NOX4: variants seen among roughly 807,000 people sequenced by gnomAD.
The protein encoded by NOX4 is kidney oxidase-1.
NOX4 carries 69 observed loss-of-function variants against 87.6 expected under a neutral mutation model. The ratio of observed to expected loss-of-function variants is 0.79; its 90% CI spans 0.65 to 0.96. The LOEUF (loss-of-function observed/expected upper bound fraction) is 0.96, where lower values mean the gene tolerates loss of function less well. Ranked by LOEUF, NOX4 falls within the 40% of genes least tolerant of loss-of-function variation. The pLI is 0.00. For synonymous variants in NOX4, 275 were observed against 238.2 expected (o/e 1.15, Z -1.42); for missense variants, 680 against 681.5 (o/e 1.00, Z 0.02).
At chr11:89,372,960 A>T (rs1211803541) in intron 12 of NOX4, among the ~76,000 whole-genome samples, 1 of 151,946 alleles carries the variant, frequency 6.6e-6, no homozygotes, top group Admixed American at 6.6e-5. Context: ...AGTATCACCA[A>T]CAGGCCTGCT....
chr11:89,429,142 A>C (rs1943627139), intron 7 of NOX4, among the ~76,000 whole-genome samples: 1 of 152,232 alleles, frequency 6.6e-6, no homozygotes, highest in Non-Finnish European at 1.5e-5. Flanking sequence ...GCAGAAATAA[A>C]GATATTCTTT....
intron 12 of NOX4, among the ~76,000 whole-genome samples, chr11:89,356,424 AG>A (rs985612450): frequency 2.9e-5 from 3 of 104,236 alleles, no homozygotes; most frequent in African/African-American, 7.6e-5. Flanking sequence ...GGGAAGAGGA[AG>A]GGGGAAAAAA....
At chr11:89,370,634 T>C (rs1750762397) in intron 12 of NOX4, among the ~76,000 whole-genome samples, 1 of 152,076 alleles carries the variant, frequency 6.6e-6, no homozygotes, top group Non-Finnish European at 1.5e-5. Context: ...AAGAGAAATC[T>C]ACTTGGGTAA....
chr11:89,442,027 C>T (rs1002100718), intron 5 of NOX4, among the ~76,000 whole-genome samples: 253 of 145,094 alleles, frequency 1.7e-3, no homozygotes, highest in African/African-American at 6.2e-3. Flanking sequence ...ATAGATATGC[C>T]ATATATTTAT....
intron 11 of NOX4, among the ~76,000 whole-genome samples, chr11:89,380,343 G>A (rs973343070): frequency 2.6e-5 from 4 of 152,082 alleles, no homozygotes; most frequent in African/African-American, 4.8e-5. Context: ...GCTGCTTATT[G>A]GTCAAACCCA....
chr11:89,453,409 A>T (rs1945053119), intron 2 of NOX4, among the ~76,000 whole-genome samples: 1 of 152,096 alleles, frequency 6.6e-6, no homozygotes, highest in Admixed American at 6.6e-5. Context: ...AAAAACTGAG[A>T]TTCATATATT....
In NOX4 at chr11:89,387,269, A is replaced by C. The variant is rs1412825086; in HGVS notation, c.1074+12748T>G. 3.3e-5 allele frequency among the ~76,000 whole-genome samples: 5 copies of C among 152,156 alleles called. 1 individual carries two copies. The highest frequency in any genetic ancestry group is 1.2e-4 in the African/African-American group (5 of 41,430). On this transcript the variant is annotated intron_variant, in intron 11 of 17. Transcript: ENST00000263317. ...TAACTGAAGAGTCACAGACTAAGTG[A>C]AAATGGCCGGTTCCTGCTTTAACTG...
chr11:89,523,422 A>G, the NOX4 span, among the ~76,000 whole-genome samples: 1 of 152,168 alleles, frequency 6.6e-6, no homozygotes, highest in Non-Finnish European at 1.5e-5. Context: ...GAATATATAA[A>G]CGTAAAGTAG....
chr11:89,536,138 CTTTTTTTTTTTTTTT>C, the NOX4 span, among the ~76,000 whole-genome samples: 2 of 88,970 alleles, frequency 2.2e-5, no homozygotes, highest in South Asian at 8.4e-4. Context: ...TGGTCCTTTT[CTTTTTTTTTTTTTTT>C]TTTTTTTTTT....
intron 13 of NOX4, among the ~76,000 whole-genome samples, chr11:89,344,420 C>T (rs936083783): frequency 6.6e-6 from 1 of 152,066 alleles, no homozygotes; most frequent in African/African-American, 2.4e-5. Context: ...CACGGTGGCA[C>T]ATGCTTGTAA....
intron 2 of NOX4, among the ~76,000 whole-genome samples, chr11:89,485,031 T>A (rs1317950553): frequency 1.3e-5 from 2 of 152,142 alleles, no homozygotes; most frequent in Admixed American, 6.6e-5. Context: ...AAATCCTAGA[T>A]CCATTTGTCC....
At chr11:89,540,391 A>C in the NOX4 span, among the ~76,000 whole-genome samples, 1 of 151,820 alleles carries the variant, frequency 6.6e-6, no homozygotes, top group African/African-American at 2.4e-5. Flanking sequence ...GTAGTTTTTC[A>C]GCATGTTTAT....
At chr11:89,546,380 A>G in the NOX4 span, among the ~76,000 whole-genome samples, 6 of 152,128 alleles carry the variant, frequency 3.9e-5, no homozygotes, top group Middle Eastern at 3.2e-3. Context: ...CCCTGCCTAT[A>G]TCCTTCATGC....
intron 13 of NOX4, among the ~76,000 whole-genome samples, chr11:89,346,649 T>C (rs1203412207): frequency 6.6e-6 from 1 of 151,350 alleles, no homozygotes; most frequent in Admixed American, 6.6e-5. Context: ...TCTGAAATTT[T>C]AGCCACCTAA....
chr11:89,384,940 C>T (rs183299029), intron 11 of NOX4, among the ~76,000 whole-genome samples: 9 of 152,258 alleles, frequency 5.9e-5, no homozygotes, highest in East Asian at 3.9e-4. Flanking sequence ...CTCTTCCTCA[C>T]GCTGATCACA....
chr11:89,544,626 C>T, the NOX4 span, among the ~76,000 whole-genome samples: 1 of 152,016 alleles, frequency 6.6e-6, no homozygotes, highest in Non-Finnish European at 1.5e-5. Flanking sequence ...TACTGAATAC[C>T]TAAGAAGTTT....
At chr11:89,440,808 C>CT in intron 5 of NOX4, 93 bp from the exon 6 acceptor site, 1 of 644,698 alleles carries the variant, frequency 1.6e-6, no homozygotes, top group South Asian at 2.3e-5. Flanking sequence ...AAACCACATA[C>CT]TTGTCATGTA....
chr11:89,515,987 T>A, the NOX4 span, among the ~76,000 whole-genome samples: 1 of 152,120 alleles, frequency 6.6e-6, no homozygotes, highest in African/African-American at 2.4e-5. Flanking sequence ...TTGTTACACC[T>A]AACAATTTGC....
At chr11:89,480,349 G>T (rs190184500) in intron 2 of NOX4, among the ~76,000 whole-genome samples, 1 of 152,232 alleles carries the variant, frequency 6.6e-6, no homozygotes, top group Admixed American at 6.5e-5. Flanking sequence ...TAAAAGCTTT[G>T]TGAAATGATA....
Sources: gnomAD v4.1 joint callset for allele counts (sites outside exome capture counted in the v4.1 genomes callset) on GRCh38, gnomAD v4.1.1 for gene constraint, MANE v1.5 for transcripts, NCBI Gene and HGNC (gene_info 2026-07-23, HGNC 2026-07-21) for gene names.